The following CPSF3 variants were observed in gnomAD, a reference collection of about 807,000 sequenced individuals.
CPSF3 encodes cleavage and polyadenylation specific factor 3.
A neutral mutation model predicts 84.1 loss-of-function variants in CPSF3; 57 were observed. The observed-to-expected ratio is 0.68, with a 90% CI of 0.55 to 0.85. CPSF3 has a LOEUF of 0.85. Among genes scored for constraint, CPSF3 ranks in the 40% least tolerant of loss-of-function variants. CPSF3 has a pLI of 0.00. For synonymous variants in CPSF3, 275 were observed against 278.1 expected, an observed-to-expected ratio of 0.99 and a Z score of 0.11; for missense variants, 522 against 838.8, an observed-to-expected ratio of 0.62 and a Z score of 4.66.
In CPSF3 at chr2:9,436,318, T is replaced by C. The variant is rs1334337278; in HGVS notation, c.717T>C (p.Pro239=). ...ACAGAGGAGGCAGGGGTCTCATTCC[T>C]GTCTTTGCTCTTGGAAGGGCTCAGG... ...IVNRGGRGLI[P]VFALGRAQEL... Residue 239 remains proline, a synonymous_variant, in exon 7 of 18, where the codon CCT becomes CCC. Coordinates refer to ENST00000238112, the MANE Select transcript of CPSF3 (RefSeq NM_016207.4). The C allele has an allele frequency of 1.2e-6, 2 of 1,614,000 alleles. No individual in the cohort carries two copies. Among genetic ancestry groups the C allele is most frequent in the Admixed American group, 1.7e-5 (1 of 59,994 alleles).
intron 16 of CPSF3, among the ~76,000 whole-genome samples, chr2:9,469,695 A>T (rs1212010479): frequency 6.6e-6 from 1 of 152,142 alleles, no homozygotes; most frequent in East Asian, 1.9e-4. Context: ...ACTCTGAGGA[A>T]CAGGAGTATG....
intron 15 of CPSF3, among the ~76,000 whole-genome samples, chr2:9,467,169 G>C (rs990258390): frequency 1.3e-5 from 2 of 152,146 alleles, no homozygotes; most frequent in African/African-American, 4.8e-5. Flanking sequence ...AGATTAAGGG[G>C]GGCCCATTTT....
chr2:9,428,631 C>G (rs145266370), intron 1 of CPSF3, 134 bp from the exon 2 acceptor site: 85 of 631,920 alleles, frequency 1.3e-4, no homozygotes, highest in African/African-American at 1.3e-3. Context: ...GTAGAACTCT[C>G]TTACGTCTCA....
chr2:9,442,896 C>G (rs1197790319), intron 9 of CPSF3, among the ~76,000 whole-genome samples: 1 of 151,992 alleles, frequency 6.6e-6, no homozygotes, highest in African/African-American at 2.4e-5. Context: ...GGCACAGTGC[C>G]TCACATCTGT....
intron 10 of CPSF3, among the ~76,000 whole-genome samples, chr2:9,444,057 G>A (rs970395264): frequency 1.3e-4 from 20 of 151,010 alleles, no homozygotes; most frequent in African/African-American, 3.9e-4. Context: ...TAGCTCATAA[G>A]GTTATTGTAA....
At chr2:9,466,236 G>A (rs1681916720) in intron 15 of CPSF3, among the ~76,000 whole-genome samples, 3 of 133,662 alleles carry the variant, frequency 2.2e-5, no homozygotes, top group Admixed American at 7.4e-5. Context: ...ACACACACGT[G>A]CGCGCACGCA....
At chr2:9,428,098 A>G (rs374206986) in intron 1 of CPSF3, among the ~76,000 whole-genome samples, 2 of 150,222 alleles carry the variant, frequency 1.3e-5, no homozygotes, top group African/African-American at 5.0e-5. Flanking sequence ...CTGGGTTCAC[A>G]CCATTCTCCT....
chr2:9,428,265 G>A (rs892630911), intron 1 of CPSF3, among the ~76,000 whole-genome samples: 3 of 151,802 alleles, frequency 2.0e-5, no homozygotes, highest in African/African-American at 7.3e-5. Context: ...CCAAAGTGCT[G>A]GGATTACAGG....
intron 15 of CPSF3, among the ~76,000 whole-genome samples, chr2:9,466,402 G>GCACTCGCA (rs1423615797): frequency 1.5e-5 from 2 of 137,852 alleles, no homozygotes; most frequent in African/African-American, 5.6e-5. Context: ...GCACACACAC[G>GCACTCGCA]CACGCGCACA....
At chr2:9,456,270 T>G (rs1330118847) in intron 13 of CPSF3, among the ~76,000 whole-genome samples, 1 of 152,250 alleles carries the variant, frequency 6.6e-6, no homozygotes, top group East Asian at 1.9e-4. Flanking sequence ...ATTTTGTATA[T>G]TAACATCATG....
intron 13 of CPSF3, 31 bp from the exon 14 acceptor site, chr2:9,456,902 T>A: frequency 7.7e-7 from 1 of 1,298,694 alleles, no homozygotes; most frequent in Non-Finnish European, 1.1e-6. Context: ...CAGAAAAGTA[T>A]ATACATCTTA....
chr2:9,456,230 G>A (rs1275444993), intron 13 of CPSF3, among the ~76,000 whole-genome samples: 1 of 152,164 alleles, frequency 6.6e-6, no homozygotes, highest in Non-Finnish European at 1.5e-5. Flanking sequence ...AACCTAGTCT[G>A]CTTTCATTAT....
chr2:9,455,192 A>G lies in CPSF3; in HGVS notation c.1505-467A>G, dbSNP rs1229843475. On this transcript the variant is annotated intron_variant, in intron 12 of 17. Transcript: ENST00000238112. ...TGCTCTGTTGCCCAGGCTAGAGTGC[A>G]GTGGCACGATCTCGGCTCACTTCTG... Among the ~76,000 whole-genome samples, 6 of 149,322 alleles carry G rather than the reference A, an allele frequency of 4.0e-5. No homozygotes were observed. In the South Asian group the frequency reaches 1.3e-3, roughly 31 times the overall value.
At chr2:9,460,903 A>C (rs758056966) in intron 15 of CPSF3, among the ~76,000 whole-genome samples, 5 of 152,144 alleles carry the variant, frequency 3.3e-5, no homozygotes, top group African/African-American at 4.8e-5. Flanking sequence ...TATTCTGGGA[A>C]GCCTCAGCCT....
intron 10 of CPSF3, 71 bp from the exon 11 acceptor site, chr2:9,448,127 A>C: frequency 1.3e-6 from 1 of 780,310 alleles, no homozygotes; most frequent in Non-Finnish European, 1.9e-6. Flanking sequence ...TCATATATTT[A>C]ATTCAACTTA....
chr2:9,471,872 G>A (rs142533511), intron 17 of CPSF3, among the ~76,000 whole-genome samples: 2 of 151,848 alleles, frequency 1.3e-5, no homozygotes, highest in African/African-American at 2.4e-5. Flanking sequence ...CGGGAATGGC[G>A]GCAGCTGCCT....
chr2:9,454,175 C>T (rs776999823), intron 12 of CPSF3, among the ~76,000 whole-genome samples: 2 of 151,984 alleles, frequency 1.3e-5, no homozygotes, highest in African/African-American at 2.4e-5. Flanking sequence ...TTTGGGAGGT[C>T]GAGGTGGGCA....
At chr2:9,466,232 ACGTGCG>A in intron 15 of CPSF3, among the ~76,000 whole-genome samples, 2 of 146,214 alleles carry the variant, frequency 1.4e-5, no homozygotes, top group East Asian at 2.0e-4. Flanking sequence ...GCACACACAC[ACGTGCG>A]CGCACGCACG....
At chr2:9,439,422 G>C (rs1022059555) in intron 7 of CPSF3, among the ~76,000 whole-genome samples, 27 of 149,222 alleles carry the variant, frequency 1.8e-4, no homozygotes, top group African/African-American at 6.7e-4. Context: ...GCAGTGAGCG[G>C]AGATCGCGCC....
Sources: gnomAD v4.1 joint callset for allele counts (sites outside exome capture counted in the v4.1 genomes callset) on GRCh38, gnomAD v4.1.1 for gene constraint, MANE v1.5 for transcripts, NCBI Gene and HGNC (gene_info 2026-07-23, HGNC 2026-07-21) for gene names.